The following RBFOX3 variants were observed in gnomAD, a reference collection of about 807,000 sequenced individuals.
RBFOX3 encodes the protein RNA binding protein fox-1 homolog 3.
Under a neutral mutation model 48.7 loss-of-function variants are expected in RBFOX3, and 17 were observed. The observed-to-expected ratio is 0.35, with a 90% CI of 0.24 to 0.52. The LOEUF (loss-of-function observed/expected upper bound fraction) is 0.52, where lower values mean the gene tolerates loss of function less well. RBFOX3 is among the 20% of genes least tolerant of loss of function. RBFOX3 has a pLI of 0.94. For synonymous variants in RBFOX3, 212 were observed against 209.5 expected (o/e 1.01, Z -0.10); for missense variants, 382 against 497.5 (o/e 0.77, Z 2.21).
At chr17:79,306,647 G>T (rs1393062079) in intron 3 of RBFOX3, among the ~76,000 whole-genome samples, 1 of 152,246 alleles carries the variant, frequency 6.6e-6, no homozygotes, top group East Asian at 1.9e-4. Context: ...TTGGCAGAAG[G>T]ATGTGAGAGG....
At chr17:79,649,390 T>C in the RBFOX3 span, among the ~76,000 whole-genome samples, 3 of 152,218 alleles carry the variant, frequency 2.0e-5, no homozygotes, top group Admixed American at 1.3e-4. Flanking sequence ...GCACCTACAT[T>C]AGTCTGTTCT....
intron 3 of RBFOX3, among the ~76,000 whole-genome samples, chr17:79,241,574 T>C (rs1422961873): frequency 6.6e-6 from 1 of 152,194 alleles, no homozygotes; most frequent in Admixed American, 6.5e-5. Context: ...AAGGTTCCAC[T>C]GTGACCACGT....
rs1393947900 is a variant in RBFOX3, at chr17:79,243,964, A to ACAGG, written c.-73-8163_-73-8160dup. On this transcript the variant is annotated intron_variant, in intron 3 of 14. Coordinates refer to ENST00000693108, the MANE Select transcript of RBFOX3 (RefSeq NM_001350451.2). This position sits in a 1 kb window ranked among gnomAD's most constrained non-coding sequence, Gnocchi z 7.9. ...CATCTCTGCCCTGGAGCATCTCCAG[A>ACAGG]CAGGCAAGTTTCAGGGGCCAGAGCC... Among the ~76,000 whole-genome samples, 2 of 152,134 alleles carry ACAGG rather than the reference A, an allele frequency of 1.3e-5. No homozygotes were observed. Among genetic ancestry groups the ACAGG allele is most frequent in the Non-Finnish European group, 2.9e-5 (2 of 68,022 alleles).
chr17:79,214,957 C>T lies in RBFOX3; in HGVS notation c.-34+20809G>A, dbSNP rs187301317. On this transcript the variant is annotated intron_variant, in intron 4 of 14. Transcript: ENST00000693108. This position sits in a 1 kb window ranked among gnomAD's most constrained non-coding sequence, Gnocchi z 4.7. ...CTGCCTTGGCATCTTCGCCTGGTGCCGGTCAATTATGAAGCCACCCGCTGG... is the reference window on the plus strand; with the variant it reads ...CTGCCTTGGCATCTTCGCCTGGTGCTGGTCAATTATGAAGCCACCCGCTGG... Among the ~76,000 whole-genome samples the T allele has an allele frequency of 6.5e-4, 99 of 152,192 alleles. No homozygotes were observed. The highest frequency in any genetic ancestry group is 2.3e-3 in the African/African-American group (94 of 41,538).
Position 79,153,868 on chromosome 17 carries a change from C to T in RBFOX3, c.-33-38120G>A, listed in dbSNP as rs529484965. Among the ~76,000 whole-genome samples, 21 of 152,274 alleles carry T rather than the reference C, an allele frequency of 1.4e-4. No homozygotes were observed. The South Asian group carries it at 3.3e-3, about 24-fold the overall frequency. ...CACATGCCCACACAGGCCTGAGCCCCGGCTGCCCATGGTGGTCTCCAGCCC... is the reference window on the plus strand; with the variant it reads ...CACATGCCCACACAGGCCTGAGCCCTGGCTGCCCATGGTGGTCTCCAGCCC... On this transcript the variant is annotated intron_variant, in intron 4 of 14. Coordinates refer to ENST00000693108, the MANE Select transcript of RBFOX3 (RefSeq NM_001350451.2).
intron 3 of RBFOX3, among the ~76,000 whole-genome samples, chr17:79,288,414 T>C (rs1237903474): frequency 1.3e-5 from 2 of 152,200 alleles, no homozygotes; most frequent in African/African-American, 4.8e-5. Context: ...CCTGGCCTTC[T>C]TCTGCAGGCT....
intron 2 of RBFOX3, among the ~76,000 whole-genome samples, chr17:79,337,503 C>T (rs371711771): frequency 8.9e-4 from 136 of 152,076 alleles, no homozygotes; most frequent in African/African-American, 2.9e-3. Context: ...GCGCCGGGCA[C>T]GGTGGCTCAC....
Position 79,095,260 on chromosome 17 carries a change from G to A in RBFOX3, c.998+253C>T, listed in dbSNP as rs543954427. ...ACGGGGCTTGCGGGGGGCGGTGGGGGGACTGGGAATCAGAGATGCGGTCTC... is the reference window on the plus strand; with the variant it reads ...ACGGGGCTTGCGGGGGGCGGTGGGGAGACTGGGAATCAGAGATGCGGTCTC... On this transcript the variant is annotated intron_variant, in intron 13 of 14. Coordinates refer to ENST00000693108, the MANE Select transcript of RBFOX3 (RefSeq NM_001350451.2). Among the ~76,000 whole-genome samples, 4 of 152,178 alleles carry A rather than the reference G, an allele frequency of 2.6e-5. No homozygotes were observed. The South Asian group carries it at 8.3e-4, about 32-fold the overall frequency.
chr17:79,152,349 T>C (rs1295478430), intron 4 of RBFOX3, among the ~76,000 whole-genome samples: 1 of 152,074 alleles, frequency 6.6e-6, no homozygotes, highest in Non-Finnish European at 1.5e-5. Context: ...ACGTGGACAC[T>C]GCCTTCCAGA....
At chr17:79,177,215 C>CT (rs905862836) in intron 4 of RBFOX3, among the ~76,000 whole-genome samples, 7 of 152,128 alleles carry the variant, frequency 4.6e-5, no homozygotes, top group African/African-American at 1.7e-4. Flanking sequence ...CCTCTCCCCC[C>CT]CCGCCCTCTC....
At chr17:79,247,310 ATTTTTTTT>A (rs57539628) in intron 3 of RBFOX3, among the ~76,000 whole-genome samples, 113 of 116,560 alleles carry the variant, frequency 9.7e-4, no homozygotes, top group Non-Finnish European at 1.6e-3. Context: ...ACATAATCGT[ATTTTTTTT>A]TTTTTTTTTT....
At chr17:79,380,285 T>A (rs2059741681) in intron 2 of RBFOX3, among the ~76,000 whole-genome samples, 1 of 152,234 alleles carries the variant, frequency 6.6e-6, no homozygotes, top group Non-Finnish European at 1.5e-5. Context: ...AAATTAAATC[T>A]CTTTTGATGA....
chr17:79,115,677 CGGAGGGGGGTACTGGGCGGGGGGGTAGGG>C lies in RBFOX3; in HGVS notation c.10_38del (p.Pro4AlafsTer120). 3.1e-6 allele frequency: 1 copy of C among 324,782 alleles called. No individual in the cohort carries two copies. Among genetic ancestry groups the C allele is most frequent in the Non-Finnish European group, 4.1e-6 (1 of 242,146 alleles). 20.1% of individuals were successfully genotyped at this position (324,782 alleles called of 1,614,324 possible). ...ACTCGGCAGGGATGCCGTTCTGTGG[CGGAGGGGGGTACTGGGCGGGGGGGTAGGG>C]CTGGGCCATCGCTTCAGGCGGAGCC... On this transcript the variant is annotated frameshift_variant, in exon 5 of 15. Transcript: ENST00000693108. LOFTEE classifies it high-confidence loss of function.
chr17:79,150,054 TG>T (rs1335704969), intron 4 of RBFOX3, among the ~76,000 whole-genome samples: 3 of 1,350 alleles, frequency 2.2e-3, no homozygotes, highest in Non-Finnish European at 5.1e-3. Context: ...GGGATGGGGA[TG>T]GGGGTTGAGG....
intron 2 of RBFOX3, among the ~76,000 whole-genome samples, chr17:79,401,309 G>A (rs1275650698): frequency 2.0e-5 from 3 of 152,218 alleles, no homozygotes; most frequent in African/African-American, 7.2e-5. Flanking sequence ...GCCCCACCAG[G>A]TGGTAGAACG....
chr17:79,228,267 C>A (rs1050105583), intron 4 of RBFOX3, among the ~76,000 whole-genome samples: 2 of 152,172 alleles, frequency 1.3e-5, no homozygotes, highest in Admixed American at 1.3e-4. Context: ...CGCTCCGGAG[C>A]GGGCGGGGTG....
At chr17:79,095,178 T>C (rs2146239685) in intron 13 of RBFOX3, among the ~76,000 whole-genome samples, 1 of 151,594 alleles carries the variant, frequency 6.6e-6, no homozygotes. Context: ...CTAGGCTAGG[T>C]TGCTCCAGGA....
chr17:79,160,576 C>T (rs1454931293), intron 4 of RBFOX3, among the ~76,000 whole-genome samples: 1 of 152,238 alleles, frequency 6.6e-6, no homozygotes, highest in Non-Finnish European at 1.5e-5. Flanking sequence ...ACCCCCATAT[C>T]CCACCTGCCC....
chr17:79,193,459 C>A (rs1244140279), intron 4 of RBFOX3, among the ~76,000 whole-genome samples: 2 of 152,166 alleles, frequency 1.3e-5, no homozygotes, highest in Admixed American at 6.5e-5. Context: ...CGCCAACCCC[C>A]TACTGCTGTT....
Sources: allele counts gnomAD v4.1 joint callset (sites outside exome capture counted in the v4.1 genomes callset), GRCh38; gene constraint gnomAD v4.1.1; non-coding constraint Gnocchi (gnomAD v3.1); transcripts MANE v1.5; gene names NCBI Gene and HGNC (gene_info 2026-07-23, HGNC 2026-07-21).